The following VPS13B variants were observed in gnomAD, a reference collection of about 807,000 sequenced individuals.
VPS13B encodes the protein intermembrane lipid transfer protein VPS13B.
In VPS13B, 285 loss-of-function variants were observed where a neutral mutation model predicts 426.4. The ratio of observed to expected loss-of-function variants is 0.67; its 90% CI spans 0.61 to 0.74. The LOEUF (loss-of-function observed/expected upper bound fraction) is 0.74, where lower values mean the gene tolerates loss of function less well. Among genes scored for constraint, VPS13B ranks in the 30% least tolerant of loss-of-function variants. The pLI is 0.00. For synonymous variants in VPS13B, 1,676 were observed against 1,676.4 expected, an observed-to-expected ratio of 1.00 and a Z score of 0.01; for missense variants, 4,537 against 4,782.6, an observed-to-expected ratio of 0.95 and a Z score of 1.51.
At chr8:99,526,305 T>A (rs1378441686) in intron 30 of VPS13B, among the ~76,000 whole-genome samples, 1 of 152,200 alleles carries the variant, frequency 6.6e-6, no homozygotes, top group Non-Finnish European at 1.5e-5. Context: ...CTTTTGCTTA[T>A]TGAGTAGTTG....
intron 17 of VPS13B, among the ~76,000 whole-genome samples, chr8:99,229,440 G>T (rs944294883): frequency 6.6e-6 from 1 of 152,176 alleles, no homozygotes; most frequent in African/African-American, 2.4e-5. Flanking sequence ...TTGAAGGTGG[G>T]GGTGGACTTT....
chr8:99,344,412 T>C (rs1811420607), intron 19 of VPS13B, among the ~76,000 whole-genome samples: 1 of 152,204 alleles, frequency 6.6e-6, no homozygotes, highest in Non-Finnish European at 1.5e-5. Context: ...TGTTTCCTTA[T>C]TGATGTGTTT....
intron 17 of VPS13B, among the ~76,000 whole-genome samples, chr8:99,246,366 G>A (rs1302168948): frequency 1.3e-5 from 2 of 152,128 alleles, no homozygotes; most frequent in African/African-American, 2.4e-5. Flanking sequence ...CTAGGACAGC[G>A]ACTGGCAAGG....
chr8:99,433,066 C>T (rs975944623), intron 22 of VPS13B, among the ~76,000 whole-genome samples: 1 of 152,188 alleles, frequency 6.6e-6, no homozygotes, highest in African/African-American at 2.4e-5. Context: ...TAAGCTAACC[C>T]TAGAAGAATC....
At chr8:99,478,664 G>C (rs1202219383) in intron 24 of VPS13B, among the ~76,000 whole-genome samples, 1 of 151,638 alleles carries the variant, frequency 6.6e-6, no homozygotes, top group Admixed American at 6.6e-5. Flanking sequence ...GGCCAGGCTG[G>C]TGTTGAACTC....
intron 3 of VPS13B, among the ~76,000 whole-genome samples, chr8:99,050,661 G>A (rs947126790): frequency 6.6e-6 from 1 of 152,162 alleles, no homozygotes; most frequent in Non-Finnish European, 1.5e-5. Context: ...CAGTGTAAAA[G>A]TGTTCCTGTT....
intron 47 of VPS13B, 85 bp from the exon 48 acceptor site, chr8:99,819,327 C>T (rs1318311523): frequency 4.1e-6 from 6 of 1,478,972 alleles, no homozygotes; most frequent in African/African-American, 1.4e-5. Context: ...GTCTATAATA[C>T]ATTTGTAGTT....
chr8:99,480,447 C>G (rs577657772), intron 24 of VPS13B, among the ~76,000 whole-genome samples: 6 of 152,178 alleles, frequency 3.9e-5, no homozygotes, highest in African/African-American at 1.4e-4. Flanking sequence ...TTTGCACTCT[C>G]TTTATTTATC....
intron 19 of VPS13B, among the ~76,000 whole-genome samples, chr8:99,380,531 C>T (rs1259178529): frequency 6.6e-6 from 1 of 151,860 alleles, no homozygotes; most frequent in Non-Finnish European, 1.5e-5. Context: ...GTTGTCTGAG[C>T]ATGCTGCCTA....
At chr8:99,826,925 T>G (rs1814722520) in intron 51 of VPS13B, among the ~76,000 whole-genome samples, 1 of 152,218 alleles carries the variant, frequency 6.6e-6, no homozygotes, top group South Asian at 2.1e-4. Context: ...AAAGTTGACT[T>G]GATCTTGGTG....
intron 9 of VPS13B, 122 bp from the exon 10 acceptor site, chr8:99,134,888 TATAGA>T: frequency 7.9e-7 from 1 of 1,258,450 alleles, no homozygotes; most frequent in African/African-American, 1.5e-5. Flanking sequence ...AAATAAATAG[TATAGA>T]ATAAATTTAA....
At chr8:99,680,208 A>G (rs1304105247) in intron 35 of VPS13B, among the ~76,000 whole-genome samples, 1 of 152,202 alleles carries the variant, frequency 6.6e-6, no homozygotes, top group African/African-American at 2.4e-5. Context: ...ATAATACATC[A>G]TAAATGTAAG....
At position 99,766,906 on chromosome 8, in the gene VPS13B, T is replaced by C. The variant is rs1172042395; in HGVS notation, c.7183T>C (p.Leu2395=). 1 of 1,614,040 alleles carries C rather than the reference T, an allele frequency of 6.2e-7. No individual in the cohort carries two copies. The highest frequency in any genetic ancestry group is 8.5e-7 in the Non-Finnish European group (1 of 1,179,956). The change falls in exon 40 of 62, where the codon TTA becomes CTA. Residue 2395 remains leucine (L), a synonymous_variant. Coordinates refer to ENST00000357162, the MANE Select transcript of VPS13B (RefSeq NM_152564.5). ...CAATCTCGTGAATGACCAGAAGAAA[T>C]TAGTATCTTCAGATCTTTGGAGAAT... ...DINLVNDQKK[L]VSSDLWRIVL... is the part of the protein sequence containing the mutation.
chr8:99,349,445 A>G (rs1044492070), intron 19 of VPS13B, among the ~76,000 whole-genome samples: 1 of 152,070 alleles, frequency 6.6e-6, no homozygotes, highest in African/African-American at 2.4e-5. Flanking sequence ...AATGTACCAA[A>G]AACTAAATCT....
At chr8:99,799,237 AC>A (rs1813008267) in intron 43 of VPS13B, 1 of 152,184 alleles carries the variant, frequency 6.6e-6, no homozygotes, top group Admixed American at 6.6e-5. Context: ...ATAATTCCGG[AC>A]TTGCCAAGTT....
chr8:99,442,657 C>A, intron 23 of VPS13B, 22 bp downstream of exon 23: 1 of 1,605,566 alleles, frequency 6.2e-7, no homozygotes, highest in African/African-American at 1.3e-5. Flanking sequence ...CATTTTTTTC[C>A]TATGGTTAAT....
chr8:99,498,581 A>T (rs1821057215), intron 25 of VPS13B, among the ~76,000 whole-genome samples: 1 of 152,162 alleles, frequency 6.6e-6, no homozygotes, highest in Non-Finnish European at 1.5e-5. Flanking sequence ...TAAAAAAAAG[A>T]AAACACATTC....
At chr8:99,331,396 A>G (rs1226494953) in intron 19 of VPS13B, among the ~76,000 whole-genome samples, 1 of 151,776 alleles carries the variant, frequency 6.6e-6, no homozygotes, top group Non-Finnish European at 1.5e-5. Context: ...AACACTACTT[A>G]TAGACTACTT....
chr8:99,674,069 G>A (rs1830824861), intron 35 of VPS13B, among the ~76,000 whole-genome samples: 1 of 151,964 alleles, frequency 6.6e-6, no homozygotes. Context: ...TGCAGCTTTT[G>A]GATGGAACAT....
Sources: allele counts gnomAD v4.1 joint callset (sites outside exome capture counted in the v4.1 genomes callset), GRCh38; gene constraint gnomAD v4.1.1; transcripts MANE v1.5; gene names NCBI Gene and HGNC (gene_info 2026-07-23, HGNC 2026-07-21).